The following BTBD8 variants were observed in gnomAD, a reference collection of about 807,000 sequenced individuals.
BTBD8 encodes BTB/POZ domain-containing protein 8.
A neutral mutation model predicts 162.9 loss-of-function variants in BTBD8; 110 were observed. The observed-to-expected ratio is 0.68, with a 90% CI of 0.58 to 0.79. BTBD8 has a LOEUF of 0.79. BTBD8 is among the 30% of genes least tolerant of loss of function. BTBD8 has a pLI of 0.00. For synonymous variants in BTBD8, 667 were observed against 716.1 expected (o/e 0.93, Z 1.10); for missense variants, 1,905 against 2,085.4 (o/e 0.91, Z 1.68).
intron 13 of BTBD8, among the ~76,000 whole-genome samples, chr1:92,172,448 G>A (rs1650576212): frequency 6.6e-6 from 1 of 152,144 alleles, no homozygotes; most frequent in Admixed American, 6.5e-5. Context: ...TGTGTTGTTT[G>A]TTTGTTTTTG....
chr1:92,106,380 GC>G (rs1159925598), intron 3 of BTBD8, among the ~76,000 whole-genome samples: 3 of 152,086 alleles, frequency 2.0e-5, no homozygotes, highest in African/African-American at 7.2e-5. Context: ...GTGTACTCCT[GC>G]CAGGCGTGGT....
At chr1:92,166,424 CTTTT>C (rs35849731) in intron 9 of BTBD8, among the ~76,000 whole-genome samples, 12 of 120,416 alleles carry the variant, frequency 1.0e-4, no homozygotes, top group African/African-American at 3.8e-4. Flanking sequence ...TCTTTTCTTT[CTTTT>C]TTTTTTTTTT....
At chr1:92,086,747 G>A (rs947721848) in intron 1 of BTBD8, among the ~76,000 whole-genome samples, 2 of 152,152 alleles carry the variant, frequency 1.3e-5, no homozygotes, top group African/African-American at 4.8e-5. Flanking sequence ...TGTTATAAAA[G>A]GATGAGTTTG....
intron 13 of BTBD8, among the ~76,000 whole-genome samples, chr1:92,174,434 G>A (rs1183910897): frequency 6.6e-6 from 1 of 151,928 alleles, no homozygotes; most frequent in Admixed American, 6.6e-5. Flanking sequence ...CAAGCAATCC[G>A]CACCTGGCCT....
intron 9 of BTBD8, among the ~76,000 whole-genome samples, chr1:92,156,823 C>G (rs966731355): frequency 2.0e-5 from 3 of 151,834 alleles, no homozygotes; most frequent in Non-Finnish European, 4.4e-5. Context: ...TTATTTGCAT[C>G]TTCTCTGCTT....
intron 5 of BTBD8, among the ~76,000 whole-genome samples, chr1:92,134,822 C>A (rs1368563690): frequency 2.0e-5 from 3 of 151,598 alleles, no homozygotes; most frequent in African/African-American, 7.3e-5. Flanking sequence ...CAGGGCTCCA[C>A]ATAGGAGCCT....
intron 9 of BTBD8, among the ~76,000 whole-genome samples, chr1:92,158,309 CTT>C (rs1160882398): frequency 1.3e-5 from 2 of 152,006 alleles, no homozygotes; most frequent in African/African-American, 4.8e-5. Flanking sequence ...TTTGGTCCCT[CTT>C]TTTATCTCCT....
Position 92,174,446 on chromosome 1 carries a change from T to C in BTBD8, c.1636-2383T>C, listed in dbSNP as rs553477583. 5.9e-5 allele frequency among the ~76,000 whole-genome samples: 9 copies of C among 152,152 alleles called. No individual in the cohort carries two copies. The East Asian group carries it at 1.5e-3, about 26-fold the overall frequency. Reference sequence around the variant, plus strand: ...GCTCAAGCAATCCGCACCTGGCCTATTGTGAAATTTTTCAAGGCATACAGC... The same window carrying C: ...GCTCAAGCAATCCGCACCTGGCCTACTGTGAAATTTTTCAAGGCATACAGC... On this transcript the variant is annotated intron_variant, in intron 13 of 17. Coordinates refer to ENST00000636805, the MANE Select transcript of BTBD8 (RefSeq NM_001376131.1).
At chr1:92,182,869 A>C (rs1353427308) in intron 17 of BTBD8, among the ~76,000 whole-genome samples, 1 of 152,098 alleles carries the variant, frequency 6.6e-6, no homozygotes, top group Non-Finnish European at 1.5e-5. Flanking sequence ...TAAAAAGAAA[A>C]ACTTAGTTTG....
In BTBD8 at chr1:92,122,042, C is replaced by T. The variant is rs114382851; in HGVS notation, c.663-7645C>T. On this transcript the variant is annotated intron_variant, in intron 4 of 17. Transcript: ENST00000636805. ...CTACACTGTAGGATATTCTACCTTT[C>T]CTAGAATTTCATGTAAATGGACTCA... Among the ~76,000 whole-genome samples, 269 of 152,136 alleles carry T rather than the reference C, an allele frequency of 1.8e-3. 3 individuals are homozygous for T. Among genetic ancestry groups the T allele is most frequent in the African/African-American group, 5.9e-3 (246 of 41,498 alleles).
chr1:92,122,764 C>T (rs1280233088), intron 4 of BTBD8, among the ~76,000 whole-genome samples: 1 of 151,982 alleles, frequency 6.6e-6, no homozygotes, highest in East Asian at 1.9e-4. Context: ...TGGGTTTTGC[C>T]ATGTTGGCCA....
At chr1:92,164,463 CA>C (rs764680006) in intron 9 of BTBD8, among the ~76,000 whole-genome samples, 1 of 151,900 alleles carries the variant, frequency 6.6e-6, no homozygotes, top group Admixed American at 6.6e-5. Context: ...ACTAAAAATA[CA>C]AAAAATTAGC....
At chr1:92,097,112 C>G (rs12080119) in intron 2 of BTBD8, among the ~76,000 whole-genome samples, 2,903 of 152,240 alleles carry the variant, frequency 0.019, 108 homozygotes, top group African/African-American at 0.066. Context: ...TATTTGTCCA[C>G]CAGATCTCAT....
At chr1:92,115,701 G>A (rs1649021610) in intron 4 of BTBD8, 1 of 284,514 alleles carries the variant, frequency 3.5e-6, no homozygotes, top group Admixed American at 3.6e-5. Context: ...CAGTGAAGGG[G>A]TCATTGATGG....
rs566719934 is a variant in BTBD8, at chr1:92,091,744, GT to G, written c.347+2856del. On this transcript the variant is annotated intron_variant, in intron 2 of 17. Transcript: ENST00000636805. ...GCCACTATGCCCAGGTTACTCCTATGTTTTTTTCTAAGAATTTAATGTTTTT... is the reference window on the plus strand; with the variant it reads ...GCCACTATGCCCAGGTTACTCCTATGTTTTTTCTAAGAATTTAATGTTTTT... Among the ~76,000 whole-genome samples the G allele has an allele frequency of 3.7e-4, 56 of 152,020 alleles. No individual in the cohort carries two copies. In the East Asian group the frequency reaches 0.011, roughly 29 times the overall value.
chr1:92,117,888 C>T (rs996663541), intron 4 of BTBD8, among the ~76,000 whole-genome samples: 2 of 152,112 alleles, frequency 1.3e-5, no homozygotes, highest in East Asian at 3.9e-4. Context: ...GAGTCCTGTA[C>T]TGCCTTTTTC....
At chr1:92,182,667 C>A in intron 17 of BTBD8, 72 bp downstream of exon 17, 1 of 904,430 alleles carries the variant, frequency 1.1e-6, no homozygotes, top group Non-Finnish European at 1.5e-6. Flanking sequence ...TGTATGAAGC[C>A]CTGAATGTTA....
chr1:92,137,899 C>A (rs182980329), intron 5 of BTBD8, among the ~76,000 whole-genome samples: 1 of 152,232 alleles, frequency 6.6e-6, no homozygotes, highest in African/African-American at 2.4e-5. Flanking sequence ...CATAGAATTA[C>A]AATTCAGAGC....
chr1:92,131,509 A>C (rs538052010), intron 5 of BTBD8, among the ~76,000 whole-genome samples: 7 of 152,294 alleles, frequency 4.6e-5, no homozygotes, highest in Admixed American at 2.0e-4. Context: ...GGATCACCAG[A>C]GGTCAGGAGT....
Sources: gnomAD v4.1 joint callset for allele counts (sites outside exome capture counted in the v4.1 genomes callset) on GRCh38, gnomAD v4.1.1 for gene constraint, MANE v1.5 for transcripts, NCBI Gene and HGNC (gene_info 2026-07-23, HGNC 2026-07-21) for gene names.